Variants in RYR2 observed in about 807,000 individuals in gnomAD.
RYR2 encodes the protein ryanodine receptor 2.
Under a neutral mutation model 601.1 loss-of-function variants are expected in RYR2, and 227 were observed. The ratio of observed to expected loss-of-function variants is 0.38; its 90% confidence interval spans 0.34 to 0.42. The LOEUF is 0.42. Among genes scored for constraint, RYR2 ranks in the 10% least tolerant of loss-of-function variants. RYR2 has a pLI of 1.00. For missense variants in RYR2, 4,646 were observed against 6,156.5 expected (o/e 0.75, Z 8.21); for synonymous variants, 2,223 against 2,175.1 (o/e 1.02, Z -0.61).
rs2148795300 is a variant in RYR2, at chr1:237,147,997, G to A, written c.48+105428G>A. ...TTTATTCAGGCCAGAGTTAATGATA[G>A]TTAGGAAGTCATGTGGTCGAATCAT... On this transcript the variant is annotated intron_variant, in intron 1 of 104. Transcript: ENST00000366574. Among the ~76,000 whole-genome samples, 2 of 152,298 alleles carry A rather than the reference G, an allele frequency of 1.3e-5. 1 individual carries two copies. The highest frequency in any genetic ancestry group is 4.1e-4 in the South Asian group (2 of 4,826).
intron 1 of RYR2, among the ~76,000 whole-genome samples, chr1:237,242,918 C>T (rs1435413825): frequency 2.0e-5 from 3 of 152,104 alleles, no homozygotes; most frequent in Admixed American, 2.0e-4. Context: ...GTTATTGACT[C>T]ACATAAGTGA....
chr1:237,500,949 A>C, intron 21 of RYR2, 46 bp downstream of exon 21: 1 of 1,542,092 alleles, frequency 6.5e-7, no homozygotes, highest in Non-Finnish European at 9.0e-7. Context: ...CTCATTTCTC[A>C]TACCTCCACA....
chr1:237,771,628 T>C (rs1484049544), intron 85 of RYR2, among the ~76,000 whole-genome samples: 1 of 152,130 alleles, frequency 6.6e-6, no homozygotes, highest in Non-Finnish European at 1.5e-5. Context: ...CTTAATTTTA[T>C]CTTGGCTGAC....
At chr1:237,296,265 G>C (rs1300536908) in intron 2 of RYR2, among the ~76,000 whole-genome samples, 1 of 152,184 alleles carries the variant, frequency 6.6e-6, no homozygotes, top group Non-Finnish European at 1.5e-5. Context: ...GACTTTGAAA[G>C]CTAGAACAAG....
At chr1:237,637,089 G>C (rs553050932) in intron 44 of RYR2, among the ~76,000 whole-genome samples, 15 of 152,268 alleles carry the variant, frequency 9.9e-5, no homozygotes, top group Admixed American at 6.5e-4. Context: ...GCCATGTTCT[G>C]CGTCTTGATT....
At chr1:237,197,215 T>A (rs1680670638) in intron 1 of RYR2, among the ~76,000 whole-genome samples, 1 of 152,184 alleles carries the variant, frequency 6.6e-6, no homozygotes, top group South Asian at 2.1e-4. Flanking sequence ...TCCTCATACC[T>A]TTTTTATTGT....
Position 237,656,131 on chromosome 1 carries a change from C to T in RYR2, c.8129+147C>T, listed in dbSNP as rs589806. On this transcript the variant is annotated intron_variant, in intron 53 of 104. Transcript: ENST00000366574. ...ATAGGGGTCCCTTTAATTTATAAAACGATAGTAATAATAATAATGATTATA... is the reference window on the plus strand; with the variant it reads ...ATAGGGGTCCCTTTAATTTATAAAATGATAGTAATAATAATAATGATTATA... 142,289 of 586,702 alleles carry T rather than the reference C, an allele frequency of 0.24. 20,115 individuals carry two copies. The highest frequency in any genetic ancestry group is 0.46 in the East Asian group (14,351 of 30,984). 36.3% of individuals were successfully genotyped at this position (586,702 alleles called of 1,614,324 possible).
At chr1:237,404,238 T>A (rs1703658963) in intron 10 of RYR2, among the ~76,000 whole-genome samples, 1 of 152,150 alleles carries the variant, frequency 6.6e-6, no homozygotes, top group South Asian at 2.1e-4. Context: ...CCAGCTGTGG[T>A]GACAGAGGGA....
At chr1:237,767,089 A>G (rs1479000317) in intron 84 of RYR2, among the ~76,000 whole-genome samples, 1 of 152,192 alleles carries the variant, frequency 6.6e-6, no homozygotes, top group African/African-American at 2.4e-5. Context: ...GTCCTATGAA[A>G]TGAGGAGTTG....
At chr1:237,351,294 G>C (rs1425584306) in intron 3 of RYR2, among the ~76,000 whole-genome samples, 1 of 151,788 alleles carries the variant, frequency 6.6e-6, no homozygotes, top group Non-Finnish European at 1.5e-5. Context: ...ATCTCAAGAA[G>C]ACAAAAAGAA....
intron 2 of RYR2, among the ~76,000 whole-genome samples, chr1:237,297,964 T>G (rs1438204764): frequency 6.8e-6 from 1 of 146,622 alleles, no homozygotes; most frequent in Admixed American, 7.1e-5. Context: ...TTTGCCATGT[T>G]GCCTAGGCTG....
intron 1 of RYR2, among the ~76,000 whole-genome samples, chr1:237,230,421 A>C (rs1684859781): frequency 1.3e-5 from 2 of 152,230 alleles, no homozygotes; most frequent in Non-Finnish European, 2.9e-5. Context: ...TGAAATGAAT[A>C]ATCAGATCTC....
At chr1:237,200,504 ATCTGCCC>A (rs1681075557) in intron 1 of RYR2, among the ~76,000 whole-genome samples, 3 of 152,154 alleles carry the variant, frequency 2.0e-5, no homozygotes, top group African/African-American at 7.2e-5. Flanking sequence ...GTCTCAAGTG[ATCTGCCC>A]ACCTTGGCCC....
intron 1 of RYR2, among the ~76,000 whole-genome samples, chr1:237,243,898 C>T (rs928902579): frequency 7.2e-5 from 11 of 152,158 alleles, no homozygotes; most frequent in African/African-American, 2.7e-4. Context: ...GGTCACCAGC[C>T]GCTCCAGTCA....
chr1:237,444,388 GAT>G (rs1348943137), intron 13 of RYR2, among the ~76,000 whole-genome samples: 1 of 151,984 alleles, frequency 6.6e-6, no homozygotes, highest in East Asian at 1.9e-4. Context: ...TTTGAATATA[GAT>G]ATATCTGTGT....
chr1:237,789,701 A>G (rs73103917), intron 92 of RYR2, among the ~76,000 whole-genome samples: 2,890 of 152,296 alleles, frequency 0.019, 104 homozygotes, highest in African/African-American at 0.067. Context: ...TCCAGCTTTC[A>G]CTGTGTCAGG....
chr1:237,619,231 G>A (rs1055515001), intron 38 of RYR2, among the ~76,000 whole-genome samples: 7 of 152,148 alleles, frequency 4.6e-5, no homozygotes, highest in Admixed American at 3.3e-4. Context: ...TAACAAAGAT[G>A]TTAAAATTAT....
At chr1:237,703,694 A>G (rs989624165) in intron 66 of RYR2, among the ~76,000 whole-genome samples, 3 of 150,838 alleles carry the variant, frequency 2.0e-5, no homozygotes, top group African/African-American at 4.8e-5. Flanking sequence ...CAAATTTTAT[A>G]TAATTTTGAC....
chr1:237,046,339 G>C (rs146109694), intron 1 of RYR2, among the ~76,000 whole-genome samples: 14 of 152,254 alleles, frequency 9.2e-5, no homozygotes, highest in East Asian at 7.7e-4. Flanking sequence ...GGAGAGAAAG[G>C]CTTCTTTATC....
Sources: allele counts gnomAD v4.1 joint callset (sites outside exome capture counted in the v4.1 genomes callset), GRCh38; gene constraint gnomAD v4.1.1; transcripts MANE v1.5; gene names NCBI Gene and HGNC (gene_info 2026-07-23, HGNC 2026-07-21).